The following CTNND2 variants were observed in gnomAD, a reference collection of about 807,000 sequenced individuals.
The protein encoded by CTNND2 is catenin delta 2.
Under a neutral mutation model 144.4 loss-of-function variants are expected in CTNND2, and 22 were observed. That is an observed-to-expected ratio of 0.15 (90% CI 0.11 to 0.22). The LOEUF (loss-of-function observed/expected upper bound fraction) is 0.22. Ranked by LOEUF, CTNND2 falls within the 10% of genes least tolerant of loss-of-function variation. CTNND2 has a pLI of 1.00. For synonymous variants in CTNND2, 751 were observed against 695.6 expected, an observed-to-expected ratio of 1.08 and a Z score of -1.25; for missense variants, 1,353 against 1,618.8, an observed-to-expected ratio of 0.84 and a Z score of 2.82.
chr5:11,111,452 G>T (rs1310964618), intron 13 of CTNND2, among the ~76,000 whole-genome samples: 1 of 152,184 alleles, frequency 6.6e-6, no homozygotes, highest in East Asian at 1.9e-4. Flanking sequence ...GTCAGCTCTG[G>T]TGGGGGGCAT....
At chr5:11,477,897 C>A (rs1453529731) in intron 3 of CTNND2, among the ~76,000 whole-genome samples, 1 of 152,126 alleles carries the variant, frequency 6.6e-6, no homozygotes, top group Non-Finnish European at 1.5e-5. Context: ...TCCTGTACTG[C>A]GTATCTGATT....
At chr5:11,248,340 C>T (rs931647865) in intron 9 of CTNND2, among the ~76,000 whole-genome samples, 1 of 149,036 alleles carries the variant, frequency 6.7e-6, no homozygotes, top group Non-Finnish European at 1.5e-5. Context: ...ATTATACATA[C>T]ATATATATAT....
At chr5:11,780,861 T>G (rs1300469654) in intron 1 of CTNND2, among the ~76,000 whole-genome samples, 1 of 152,192 alleles carries the variant, frequency 6.6e-6, no homozygotes. Context: ...ACACAACAGA[T>G]GACCCACGGA....
chr5:11,229,117 T>A (rs1461887677), intron 10 of CTNND2, among the ~76,000 whole-genome samples: 1 of 152,196 alleles, frequency 6.6e-6, no homozygotes, highest in African/African-American at 2.4e-5. Context: ...AAATTACATC[T>A]TTATCAGTGC....
rs148753278 is a variant in CTNND2, at chr5:11,090,403, G to A, written c.2638-7557C>T. 7.2e-3 allele frequency among the ~76,000 whole-genome samples: 1,097 copies of A among 152,292 alleles called. 13 individuals carry two copies. The highest frequency in any genetic ancestry group is 0.022 in the African/African-American group (932 of 41,570). Reference sequence around the variant, plus strand: ...ATTAGGGCAGAAGGCCCCAACCCCCGGGCCGCAGACCAGTATTGTGGCCTG... The same window carrying A: ...ATTAGGGCAGAAGGCCCCAACCCCCAGGCCGCAGACCAGTATTGTGGCCTG... On this transcript the variant is annotated intron_variant, in intron 15 of 21. Coordinates refer to ENST00000304623, the MANE Select transcript of CTNND2 (RefSeq NM_001332.4).
intron 8 of CTNND2, among the ~76,000 whole-genome samples, chr5:11,359,965 G>A (rs1377532819): frequency 2.6e-5 from 4 of 152,166 alleles, no homozygotes; most frequent in Non-Finnish European, 4.4e-5. Flanking sequence ...TGGGTACCCT[G>A]CTCCTTGGAC....
chr5:11,775,994 G>T (rs575618565), intron 1 of CTNND2, among the ~76,000 whole-genome samples: 1 of 152,284 alleles, frequency 6.6e-6, no homozygotes, highest in South Asian at 2.1e-4. Flanking sequence ...TCCAAGGATT[G>T]CTGGCAATCA....
At chr5:11,133,668 A>T (rs1355236696) in intron 12 of CTNND2, among the ~76,000 whole-genome samples, 1 of 152,204 alleles carries the variant, frequency 6.6e-6, no homozygotes, top group Non-Finnish European at 1.5e-5. Context: ...TAAATTTCTG[A>T]AAGAAATTTC....
intron 9 of CTNND2, among the ~76,000 whole-genome samples, chr5:11,297,161 C>T (rs2150026246): frequency 6.6e-6 from 1 of 152,276 alleles, no homozygotes; most frequent in Admixed American, 6.5e-5. Flanking sequence ...AAATTTACAA[C>T]ATTCAAGGTC....
chr5:11,387,396 A>G (rs1220743761), intron 6 of CTNND2, among the ~76,000 whole-genome samples: 1 of 152,110 alleles, frequency 6.6e-6, no homozygotes, highest in Non-Finnish European at 1.5e-5. Context: ...CTGCTCCAGA[A>G]GACACTTGGA....
chr5:11,020,102 A>T (rs994143115), intron 17 of CTNND2, among the ~76,000 whole-genome samples: 4 of 152,214 alleles, frequency 2.6e-5, no homozygotes, highest in Non-Finnish European at 5.9e-5. Context: ...CAGCTGTGCC[A>T]GCGGTGGGAT....
At chr5:11,398,611 T>G (rs1760351949) in intron 5 of CTNND2, among the ~76,000 whole-genome samples, 1 of 151,668 alleles carries the variant, frequency 6.6e-6, no homozygotes, top group Admixed American at 6.6e-5. Flanking sequence ...AGCAAGGAAA[T>G]AAAAGTGTTT....
chr5:11,613,132 T>C (rs574149628), intron 2 of CTNND2, among the ~76,000 whole-genome samples: 2 of 152,286 alleles, frequency 1.3e-5, no homozygotes, highest in South Asian at 4.2e-4. Flanking sequence ...TCTAAGAAGT[T>C]TTTGCCAATG....
At chr5:11,392,434 A>G (rs916762595) in intron 6 of CTNND2, among the ~76,000 whole-genome samples, 4 of 152,244 alleles carry the variant, frequency 2.6e-5, no homozygotes, top group Non-Finnish European at 5.9e-5. Flanking sequence ...CTTAAAACCT[A>G]CATGAGCACC....
In CTNND2 at chr5:11,397,042, T is replaced by C. The variant is rs1239719827; in HGVS notation, c.601A>G (p.Ser201Gly). 3 of 1,613,392 alleles carry C rather than the reference T, an allele frequency of 1.9e-6. No homozygotes were observed. Residue 201 changes from serine (S) to glycine (G), a missense_variant, in exon 6 of 22, where the codon AGC becomes GGC. Physicochemically the swap from Ser to Gly is moderately conservative, Grantham distance 56. Around this residue, in one of 4 missense-constraint regions of CTNND2, gnomAD observed 708 missense variants for 706.4 expected, o/e 1.00. Transcript: ENST00000304623. ...RGTQARATGQ[S>G]FSQGTTSRAG... is the part of the protein sequence containing the mutation. Reference sequence around the variant, plus strand: ...CACTGGGTACCTACCTGGCTGAAGCTCTGGCCCGTAGCTCGGGCTTGTGTG... The same window carrying C: ...CACTGGGTACCTACCTGGCTGAAGCCCTGGCCCGTAGCTCGGGCTTGTGTG...
At position 11,117,476 on chromosome 5, in the gene CTNND2, G is replaced by C; in HGVS notation, c.2251C>G (p.Leu751Val). The change falls in exon 13 of 22, where the codon CTG becomes GTG. Residue 751 changes from leucine (L) to valine (V), a missense_variant. Coordinates refer to ENST00000304623, the MANE Select transcript of CTNND2 (RefSeq NM_001332.4). ...DALLYVIQSA[L>V]GSSEIDSKTV... ...TTGCTATCGATCTCACTGCTCCCCA[G>C]CGCAGACTGGATCACGTACAGCAAG... 4 of 1,614,028 alleles carry C rather than the reference G, an allele frequency of 2.5e-6. No homozygotes were observed. Among genetic ancestry groups the C allele is most frequent in the Non-Finnish European group, 2.5e-6 (3 of 1,179,962 alleles).
In CTNND2 at chr5:11,728,433, G is replaced by A. The variant is rs749739697; in HGVS notation, c.174+3703C>T. 5.3e-5 allele frequency among the ~76,000 whole-genome samples: 8 copies of A among 152,004 alleles called. No homozygotes were observed. In the South Asian group the frequency reaches 1.5e-3, roughly 28 times the overall value. ...GAAGAGGTTATGGTGAGCCAAGATC[G>A]CACCACCGCACTCTAGCCTGGGCGA... On this transcript the variant is annotated intron_variant, in intron 2 of 21. Transcript: ENST00000304623.
Position 11,098,754 on chromosome 5 carries a change from G to A in CTNND2, c.2464-6C>T, listed in dbSNP as rs147411853. ...AGAGGTCCTACTCCATCCCACTGGC[G>A]GAAGAAAAACAAGAGAGCAAACATC... is the stretch of plus-strand genomic sequence containing the variant. On this transcript the variant is annotated splice_region_variant and splice_polypyrimidine_tract_variant and intron_variant, in intron 14 of 21. Coordinates refer to ENST00000304623, the MANE Select transcript of CTNND2 (RefSeq NM_001332.4). 3.4e-4 allele frequency: 548 copies of A among 1,610,160 alleles called. 1 individual carries two copies. In the East Asian group the frequency reaches 8.2e-3, roughly 24 times the overall value.
intron 12 of CTNND2, among the ~76,000 whole-genome samples, chr5:11,118,053 AG>A: frequency 6.6e-6 from 1 of 152,248 alleles, no homozygotes; most frequent in South Asian, 2.1e-4. Flanking sequence ...GGACATAGTT[AG>A]AGGTTTCTGT....
Sources: gnomAD v4.1 joint callset for allele counts (sites outside exome capture counted in the v4.1 genomes callset) on GRCh38, gnomAD v4.1.1 for gene constraint, gnomAD v4.1.1 regional missense constraint, MANE v1.5 for transcripts, NCBI Gene and HGNC (gene_info 2026-07-23, HGNC 2026-07-21) for gene names.